The following HTR5A variants were observed in gnomAD, a reference collection of about 807,000 sequenced individuals.
HTR5A encodes 5-hydroxytryptamine receptor 5A.
HTR5A carries 21 observed loss-of-function variants against 24.3 expected under a neutral mutation model. That is an observed-to-expected ratio of 0.86 (90% CI 0.61 to 1.24). The LOEUF (loss-of-function observed/expected upper bound fraction) is 1.24, where lower values mean the gene tolerates loss of function less well. HTR5A is among the 50% of genes most tolerant of loss of function. HTR5A has a pLI of 0.00. For synonymous variants in HTR5A, 260 were observed against 213.7 expected (o/e 1.22, Z -1.89); for missense variants, 497 against 489.5 (o/e 1.02, Z -0.15).
chr7:155,075,579 G>C (rs1347732641), intron 1 of HTR5A, among the ~76,000 whole-genome samples: 2 of 152,196 alleles, frequency 1.3e-5, no homozygotes, highest in Admixed American at 6.5e-5. Flanking sequence ...GCTTTGATCA[G>C]GAAAGCAAGT....
chr7:155,074,012 C>G (rs1795334137), intron 1 of HTR5A, among the ~76,000 whole-genome samples: 1 of 151,342 alleles, frequency 6.6e-6, no homozygotes, highest in African/African-American at 2.4e-5. Flanking sequence ...TAATCCAGTA[C>G]TCTAAATATA....
intron 1 of HTR5A, among the ~76,000 whole-genome samples, chr7:155,079,023 G>A (rs146179368): frequency 4.2e-4 from 64 of 151,226 alleles, no homozygotes; most frequent in African/African-American, 1.5e-3. Context: ...TGGCACAACC[G>A]TAGCTCACTG....
chr7:155,084,254 C>G lies in HTR5A; in HGVS notation c.841C>G (p.Gln281Glu), dbSNP rs773870920. ...EGDTWREQKE[Q>E]RAALMVGILI... Reference sequence around the variant, plus strand: ...GGACACGTGGCGGGAGCAGAAGGAGCAGCGGGCCGCCCTCATGGTGGGCAT... The same window carrying G: ...GGACACGTGGCGGGAGCAGAAGGAGGAGCGGGCCGCCCTCATGGTGGGCAT... The change falls in exon 2 of 2, where the codon CAG becomes GAG. Residue 281 changes from glutamine (Q) to glutamate (E), a missense_variant. By Grantham distance (29) the Gln-to-Glu change is conservative. Coordinates refer to ENST00000287907, the MANE Select transcript of HTR5A (RefSeq NM_024012.4). The G allele has an allele frequency of 2.7e-5, 43 of 1,614,042 alleles. No individual in the cohort carries two copies. The highest frequency in any genetic ancestry group is 3.6e-5 in the Non-Finnish European group (43 of 1,180,036).
intron 1 of HTR5A, among the ~76,000 whole-genome samples, chr7:155,072,436 T>C (rs148655398): frequency 6.6e-6 from 1 of 152,286 alleles, no homozygotes; most frequent in East Asian, 1.9e-4. Context: ...TAGCTCTCTA[T>C]GAGAGGTATT....
At chr7:155,072,813 G>C (rs1197688468) in intron 1 of HTR5A, among the ~76,000 whole-genome samples, 1 of 152,134 alleles carries the variant, frequency 6.6e-6, no homozygotes, top group Admixed American at 6.5e-5. Context: ...ATGCTTTCTA[G>C]AGTCAGTAGC....
At position 155,087,216 on chromosome 7, in the gene HTR5A, T is replaced by G. The variant is rs1795486670; in HGVS notation, c.*2729T>G. 1.1e-5 allele frequency among the ~76,000 whole-genome samples: 1 copy of G among 94,788 alleles called. No individual in the cohort carries two copies. The highest frequency in any genetic ancestry group is 3.4e-4 in the South Asian group (1 of 2,984). 62.2% of individuals were successfully genotyped at this position (94,788 alleles called of 152,430 possible). On this transcript the variant is annotated 3_prime_UTR_variant, in exon 2 of 2. Coordinates refer to ENST00000287907, the MANE Select transcript of HTR5A (RefSeq NM_024012.4). ...TTGACATCAGACCATATTGTAGGGA[T>G]TAATTCTTGATAAAAAAAAAGCTTG...
At position 155,085,786 on chromosome 7, in the gene HTR5A, AATTAT is replaced by A. The variant is rs534623523; in HGVS notation, c.*1302_*1306del. The A allele has an allele frequency of 2.4e-4, 36 of 152,346 alleles. No individual in the cohort carries two copies. The South Asian group carries it at 7.3e-3, about 31-fold the overall frequency. The allele number at this position is 152,346 out of a possible 1,614,324, so 9.4% of individuals were successfully genotyped here. A position where few individuals can be genotyped will look rare whatever the true frequency, so the allele number is the denominator to read the frequency against. On this transcript the variant is annotated 3_prime_UTR_variant, in exon 2 of 2. Coordinates refer to ENST00000287907, the MANE Select transcript of HTR5A (RefSeq NM_024012.4). ...TTCATGTAGTATATTGTATATAATA[AATTAT>A]ATCAATTAAGAGTTCAAACATAGGA...
chr7:155,079,579 A>G (rs561259711), intron 1 of HTR5A, among the ~76,000 whole-genome samples: 5 of 152,184 alleles, frequency 3.3e-5, no homozygotes, highest in Non-Finnish European at 7.3e-5. Context: ...AAATATCTTA[A>G]CTCACTAATT....
chr7:155,075,215 T>C (rs984753316), intron 1 of HTR5A, among the ~76,000 whole-genome samples: 2 of 152,248 alleles, frequency 1.3e-5, no homozygotes, highest in African/African-American at 2.4e-5. Flanking sequence ...GTGTTGGTCC[T>C]CATTCAGCCA....
intron 1 of HTR5A, among the ~76,000 whole-genome samples, chr7:155,076,354 C>G (rs1007084144): frequency 4.0e-5 from 6 of 151,850 alleles, no homozygotes; most frequent in African/African-American, 1.5e-4. Context: ...GTGAATTATT[C>G]TGGAGGTATA....
chr7:155,073,859 G>GTT (rs1449720900), intron 1 of HTR5A, among the ~76,000 whole-genome samples: 1 of 64,892 alleles, frequency 1.5e-5, no homozygotes, highest in African/African-American at 6.6e-5. Context: ...ACATATGTGT[G>GTT]TGTGTGTATA....
intron 1 of HTR5A, among the ~76,000 whole-genome samples, chr7:155,072,687 A>G (rs1399431102): frequency 6.6e-6 from 1 of 152,154 alleles, no homozygotes; most frequent in Non-Finnish European, 1.5e-5. Context: ...AAGGAAGCAT[A>G]TGGAGTGCAT....
At chr7:155,084,108 G>A in intron 1 of HTR5A, 47 bp from the exon 2 acceptor site, 2 of 1,463,894 alleles carry the variant, frequency 1.4e-6, no homozygotes, top group Non-Finnish European at 1.8e-6. Context: ...CAGCCTAGCA[G>A]GTAGACTGAG....
intron 1 of HTR5A, among the ~76,000 whole-genome samples, chr7:155,082,053 T>A (rs1403918716): frequency 6.6e-6 from 1 of 152,202 alleles, no homozygotes; most frequent in Non-Finnish European, 1.5e-5. Flanking sequence ...GTGAACAGTA[T>A]CTTCAGTGTG....
intron 1 of HTR5A, among the ~76,000 whole-genome samples, chr7:155,081,141 T>G (rs922308190): frequency 6.6e-6 from 1 of 152,178 alleles, no homozygotes; most frequent in Admixed American, 6.5e-5. Context: ...ATTTTTAGCT[T>G]AAACATTTTT....
intron 1 of HTR5A, among the ~76,000 whole-genome samples, chr7:155,079,003 T>C (rs911586993): frequency 6.6e-5 from 10 of 151,966 alleles, no homozygotes; most frequent in Non-Finnish European, 1.2e-4. Context: ...TTGCCCAGGC[T>C]AGAGTGCAGT....
At position 155,071,254 on chromosome 7, in the gene HTR5A, G is replaced by A. The variant is rs372841545; in HGVS notation, c.355G>A (p.Ala119Thr). 1.4e-5 allele frequency: 22 copies of A among 1,605,516 alleles called. No individual in the cohort carries two copies. Among genetic ancestry groups the A allele is most frequent in the African/African-American group, 4.0e-5 (3 of 74,942 alleles). ...TCGGAGGCTGTGCCAGCTTTGGATC[G>A]CGTGCGACGTGCTTTGCTGCACGGC... Reference protein sequence around the residue: ...LGRRLCQLWIACDVLCCTASI... With the variant: ...LGRRLCQLWITCDVLCCTASI... Residue 119 changes from alanine (A) to threonine (T), a missense_variant, in exon 1 of 2, where the codon GCG (alanine) becomes ACG (threonine). Coordinates refer to ENST00000287907, the MANE Select transcript of HTR5A (RefSeq NM_024012.4).
Position 155,084,178 on chromosome 7 carries a change from C to G in HTR5A, c.765C>G (p.Pro255=). The G allele has an allele frequency of 1.2e-6, 2 of 1,611,350 alleles. No individual in the cohort carries two copies. The highest frequency in any genetic ancestry group is 1.7e-6 in the Non-Finnish European group (2 of 1,178,890). The part of the protein sequence containing the change: ...AVEVKDSAKQ[P]QMVFTVRHAT... Reference sequence around the variant, plus strand: ...AGGTGAAGGACTCTGCCAAACAGCCCCAGATGGTGTTCACGGTCCGCCACG... The same window carrying G: ...AGGTGAAGGACTCTGCCAAACAGCCGCAGATGGTGTTCACGGTCCGCCACG... The change falls in exon 2 of 2, where the codon CCC becomes CCG. Residue 255 remains proline, a synonymous_variant. Coordinates refer to ENST00000287907, the MANE Select transcript of HTR5A (RefSeq NM_024012.4).
intron 1 of HTR5A, among the ~76,000 whole-genome samples, chr7:155,075,624 T>C (rs1160951038): frequency 2.0e-5 from 3 of 152,214 alleles, no homozygotes; most frequent in East Asian, 1.9e-4. Flanking sequence ...TAGGTAGCTA[T>C]GTTCCTTTTT....
Sources: allele counts gnomAD v4.1 joint callset (sites outside exome capture counted in the v4.1 genomes callset), GRCh38; gene constraint gnomAD v4.1.1; transcripts MANE v1.5; gene names NCBI Gene and HGNC (gene_info 2026-07-23, HGNC 2026-07-21).